SIM1: variants seen among roughly 807,000 people sequenced by gnomAD.
SIM1 encodes the protein single-minded homolog 1.
A neutral mutation model predicts 78.2 loss-of-function variants in SIM1; 18 were observed. That is an observed-to-expected ratio of 0.23 (90% CI 0.16 to 0.34). The LOEUF is 0.34. Among genes scored for constraint, SIM1 ranks in the 10% least tolerant of loss-of-function variants. The pLI is 1.00. For synonymous variants in SIM1, 417 were observed against 385.2 expected (o/e 1.08, Z -0.97); for missense variants, 939 against 975.1 (o/e 0.96, Z 0.49).
intron 10 of SIM1, among the ~76,000 whole-genome samples, chr6:100,407,031 T>A (rs1355530761): frequency 6.6e-6 from 1 of 152,156 alleles, no homozygotes; most frequent in African/African-American, 2.4e-5. Flanking sequence ...ATGAGTTTGA[T>A]TTTTTTAGAT....
At chr6:100,462,108 G>A (rs898924248) in intron 2 of SIM1, among the ~76,000 whole-genome samples, 1 of 152,068 alleles carries the variant, frequency 6.6e-6, no homozygotes, top group Non-Finnish European at 1.5e-5. Context: ...ATCAAGCAAA[G>A]TGAAACTGCA....
chr6:100,448,816 A>G lies in SIM1; in HGVS notation c.544-138T>C, dbSNP rs1333229083. On this transcript the variant is annotated intron_variant, in intron 6 of 11. Coordinates refer to ENST00000369208, the MANE Select transcript of SIM1 (RefSeq NM_005068.3). ...CCACGCCCGTGCACTAAGGAATCCA[A>G]AGTTACTGGTGCTCTAAGGTGTCTT... 4 of 708,168 alleles carry G rather than the reference A, an allele frequency of 5.6e-6. No homozygotes were observed. The East Asian group carries it at 1.1e-4, about 19-fold the overall frequency. 43.9% of individuals were successfully genotyped at this position (708,168 alleles called of 1,614,324 possible).
chr6:100,395,953 G>A (rs1188552376), intron 10 of SIM1: 1 of 224,848 alleles, frequency 4.4e-6, no homozygotes, highest in Non-Finnish European at 7.4e-6. Flanking sequence ...TACACATATG[G>A]ACTATCAGCA....
intron 9 of SIM1, among the ~76,000 whole-genome samples, chr6:100,439,872 A>G (rs534315923): frequency 2.8e-4 from 43 of 152,102 alleles, no homozygotes; most frequent in African/African-American, 9.6e-4. Context: ...AGAAATCTCT[A>G]CTCCCCTTAG....
At chr6:100,434,309 G>C (rs935835817) in intron 9 of SIM1, among the ~76,000 whole-genome samples, 1 of 152,112 alleles carries the variant, frequency 6.6e-6, no homozygotes, top group Non-Finnish European at 1.5e-5. Flanking sequence ...ACTTCACTAC[G>C]CCAGGACTGT....
chr6:100,412,686 AG>A (rs1163941527), intron 10 of SIM1, among the ~76,000 whole-genome samples: 1 of 33,914 alleles, frequency 2.9e-5, no homozygotes, highest in Non-Finnish European at 5.6e-5. Flanking sequence ...AGAAAGAAAA[AG>A]AAAGAAAGAA....
In SIM1 at chr6:100,440,420, A is replaced by C. The variant is rs1489010702; in HGVS notation, c.998+6848T>G. 2.0e-5 allele frequency among the ~76,000 whole-genome samples: 3 copies of C among 152,238 alleles called. No homozygotes were observed. In the East Asian group the frequency reaches 5.8e-4, roughly 29 times the overall value. On this transcript the variant is annotated intron_variant, in intron 9 of 11. Transcript: ENST00000369208. ...AAAACAAAATCACAATCCTACTGCA[A>C]TACCACTTTCTGGAGATGGCCCAGG...
rs757394444 is a variant in SIM1, at chr6:100,420,837, G to A, written c.1120C>T (p.Arg374Trp). Residue 374 changes from arginine (R) to tryptophan (W), a missense_variant, in exon 10 of 12, where the codon CGG becomes TGG. Arg to Trp is a moderately radical substitution (Grantham distance 101). Coordinates refer to ENST00000369208, the MANE Select transcript of SIM1 (RefSeq NM_005068.3). ...GATTTTGACTTTGAGCTGGAGAGCC[G>A]GGATTTGGCCCCCTTTCTGTTGTCA... Reference protein sequence around the residue: ...MTDNRKGAKSRLSSSKSKSRT... With the variant: ...MTDNRKGAKSWLSSSKSKSRT... 6.8e-6 allele frequency: 11 copies of A among 1,614,000 alleles called. No individual in the cohort carries two copies. The highest frequency in any genetic ancestry group is 1.7e-5 in the Admixed American group (1 of 59,982).
chr6:100,416,995 A>T (rs1044882884), intron 10 of SIM1, among the ~76,000 whole-genome samples: 1 of 151,802 alleles, frequency 6.6e-6, no homozygotes, highest in Non-Finnish European at 1.5e-5. Flanking sequence ...AAAAAAACAA[A>T]CTCTAAACTC....
chr6:100,431,161 G>T (rs1259678424), intron 9 of SIM1, among the ~76,000 whole-genome samples: 2 of 152,130 alleles, frequency 1.3e-5, no homozygotes, highest in Non-Finnish European at 2.9e-5. Context: ...ATGGCATGAT[G>T]CAATGTTTTC....
In SIM1 at chr6:100,391,040, G is replaced by A. The variant is rs968598837; in HGVS notation, c.1622C>T (p.Ser541Leu). ...ATATCGGTCACCTGATTCACTGGCC[G>A]ACCCAGGGTCTGGAGAACTGACCAC... The part of the protein sequence containing the change: ...DSVVSSPDPG[S>L]ASESGDRYRT... Residue 541 changes from serine (S) to leucine (L), a missense_variant, in exon 12 of 12, where the codon TCG becomes TTG. Physicochemically the swap from Ser to Leu is moderately radical, Grantham distance 145. Transcript: ENST00000369208. The A allele has an allele frequency of 1.2e-5, 20 of 1,613,836 alleles. No homozygotes were observed. Among genetic ancestry groups the A allele is most frequent in the South Asian group, 3.3e-5 (3 of 91,046 alleles).
In SIM1 at chr6:100,447,411, C is replaced by T. The variant is rs1229287607; in HGVS notation, c.855G>A (p.Leu285=). The T allele has an allele frequency of 1.9e-6, 3 of 1,614,106 alleles. No individual in the cohort carries two copies. Among genetic ancestry groups the T allele is most frequent in the Non-Finnish European group, 2.5e-6 (3 of 1,180,042 alleles). ...FHLRCAHHLL[L]VKGQVTTKYY... is the part of the protein sequence containing the mutation. Reference sequence around the variant, plus strand: ...ACTTGGTGGTCACCTGTCCCTTCACCAGCACTGACGGAGAGACAGGAGGCA... The same window carrying T: ...ACTTGGTGGTCACCTGTCCCTTCACTAGCACTGACGGAGAGACAGGAGGCA... Residue 285 remains leucine (L), a synonymous_variant, in exon 9 of 12, where the codon CTG becomes CTA. Transcript: ENST00000369208.
chr6:100,393,610 G>C lies in SIM1; in HGVS notation c.1447C>G (p.Gln483Glu). 2 of 1,614,164 alleles carry C rather than the reference G, an allele frequency of 1.2e-6. No homozygotes were observed. The highest frequency in any genetic ancestry group is 8.5e-7 in the Non-Finnish European group (1 of 1,179,970). ...CCCCACCAGGGCTCCCTCCCGGCCT[G>C]CGGCGTTCCCAGGAAGTACCTGCCT... ...EAGRYFLGTP[Q>E]AGREPWWGSR... Residue 483 changes from glutamine (Q) to glutamate (E), a missense_variant, in exon 11 of 12, where the codon CAG becomes GAG. By Grantham distance (29) the Gln-to-Glu change is conservative. Around this residue, in one of 5 missense-constraint regions of SIM1, gnomAD observed 556 missense variants for 521.9 expected, o/e 1.07. Transcript: ENST00000369208.
chr6:100,407,709 A>C (rs1335389131), intron 10 of SIM1, among the ~76,000 whole-genome samples: 5 of 152,086 alleles, frequency 3.3e-5, no homozygotes, highest in African/African-American at 1.2e-4. Flanking sequence ...GATGTTGAGC[A>C]CCTTTTCATG....
At chr6:100,428,278 T>C (rs1009031568) in intron 9 of SIM1, among the ~76,000 whole-genome samples, 1 of 152,204 alleles carries the variant, frequency 6.6e-6, no homozygotes, top group African/African-American at 2.4e-5. Context: ...AACCATTTAT[T>C]TGGACTATTA....
intron 2 of SIM1, among the ~76,000 whole-genome samples, chr6:100,457,751 C>G (rs925146138): frequency 6.6e-6 from 1 of 152,254 alleles, no homozygotes; most frequent in Non-Finnish European, 1.5e-5. Context: ...GCACTGCTGC[C>G]CGCCCTGCCT....
intron 9 of SIM1, among the ~76,000 whole-genome samples, chr6:100,431,516 T>C (rs1771898643): frequency 6.6e-6 from 1 of 152,344 alleles, no homozygotes; most frequent in South Asian, 2.1e-4. Flanking sequence ...TATTCTGTGC[T>C]TCAGTATTCA....
chr6:100,459,608 G>A (rs1469526547), intron 2 of SIM1, among the ~76,000 whole-genome samples: 2 of 152,170 alleles, frequency 1.3e-5, no homozygotes, highest in African/African-American at 4.8e-5. Context: ...ATCTTGAGGT[G>A]AATATTATAG....
Position 100,450,692 on chromosome 6 carries a change from TCTCTCACACA to T in SIM1, c.259-346_259-337del, listed in dbSNP as rs1334805622. 0.012 allele frequency among the ~76,000 whole-genome samples: 1,074 copies of T among 88,194 alleles called. 24 individuals are homozygous for T. The East Asian group carries it at 0.12, about 10-fold the overall frequency. The allele number at this position is 88,194 out of a possible 152,430, so 57.9% of individuals were successfully genotyped here. On this transcript the variant is annotated intron_variant, in intron 3 of 11. Coordinates refer to ENST00000369208, the MANE Select transcript of SIM1 (RefSeq NM_005068.3). ...CTCTCTCTCTCTCTCTCTCTCTCTCTCTCTCACACACACACACACACACACACACACACAC... is the reference window on the plus strand; with the variant it reads ...CTCTCTCTCTCTCTCTCTCTCTCTCTCACACACACACACACACACACACAC...
Sources: allele counts gnomAD v4.1 joint callset (sites outside exome capture counted in the v4.1 genomes callset), GRCh38; gene constraint gnomAD v4.1.1; regional missense constraint gnomAD v4.1.1; transcripts MANE v1.5; gene names NCBI Gene and HGNC (gene_info 2026-07-23, HGNC 2026-07-21).